The following CLVS1 variants were observed in gnomAD, a reference collection of about 807,000 sequenced individuals.
CLVS1 encodes the protein clavesin 1, also known as clavesin-1.
Under a neutral mutation model 33.1 loss-of-function variants are expected in CLVS1, and 10 were observed. The ratio of observed to expected loss-of-function variants is 0.30; its 90% CI spans 0.19 to 0.51. The LOEUF (loss-of-function observed/expected upper bound fraction) is 0.51. Among genes scored for constraint, CLVS1 ranks in the 20% least tolerant of loss-of-function variants. CLVS1 has a pLI of 0.97. For missense variants in CLVS1, 343 were observed against 433.4 expected (o/e 0.79, Z 1.85); for synonymous variants, 163 against 166.1 (o/e 0.98, Z 0.14).
intron 2 of CLVS1, among the ~76,000 whole-genome samples, chr8:61,308,351 G>A (rs1283924219): frequency 1.3e-5 from 2 of 152,110 alleles, no homozygotes; most frequent in Non-Finnish European, 2.9e-5. Flanking sequence ...CATCCCAAAG[G>A]CATCTGAAGC....
intron 2 of CLVS1, among the ~76,000 whole-genome samples, chr8:61,351,583 A>T (rs1812464517): frequency 6.6e-6 from 1 of 152,144 alleles, no homozygotes; most frequent in African/African-American, 2.4e-5. Flanking sequence ...AAACTTACAG[A>T]TCCCAAAAGT....
At chr8:61,135,887 A>G (rs1034754377) in intron 2 of CLVS1, among the ~76,000 whole-genome samples, 1 of 152,210 alleles carries the variant, frequency 6.6e-6, no homozygotes, top group African/African-American at 2.4e-5. Context: ...AGCCTGTAGG[A>G]TATTCAGAGA....
At chr8:61,348,370 T>C (rs565639317) in intron 2 of CLVS1, among the ~76,000 whole-genome samples, 27 of 151,426 alleles carry the variant, frequency 1.8e-4, no homozygotes, top group African/African-American at 6.3e-4. Flanking sequence ...TTAGGAGATA[T>C]ACCTAATGTA....
intron 1 of CLVS1, among the ~76,000 whole-genome samples, chr8:61,123,426 GA>G: frequency 6.6e-6 from 1 of 152,056 alleles, no homozygotes; most frequent in Non-Finnish European, 1.5e-5. Context: ...ATGACCTGGG[GA>G]AAAAGAAGTT....
chr8:61,142,420 T>C (rs750805730), intron 2 of CLVS1, among the ~76,000 whole-genome samples: 1 of 152,196 alleles, frequency 6.6e-6, no homozygotes, highest in Non-Finnish European at 1.5e-5. Flanking sequence ...TAGTTCTTTA[T>C]AGCAATGTGA....
chr8:61,407,687 G>A (rs533321962), intron 3 of CLVS1, among the ~76,000 whole-genome samples: 34 of 152,232 alleles, frequency 2.2e-4, no homozygotes, highest in African/African-American at 4.8e-4. Flanking sequence ...TAAATAAGCC[G>A]TTTAAGTTAA....
intron 2 of CLVS1, among the ~76,000 whole-genome samples, chr8:61,373,101 T>C (rs1353771546): frequency 1.3e-5 from 2 of 152,196 alleles, no homozygotes; most frequent in Admixed American, 6.5e-5. Context: ...CTGATAGCCA[T>C]TTTAAATTTT....
At chr8:61,205,177 T>C (rs1354806304) in intron 2 of CLVS1, among the ~76,000 whole-genome samples, 1 of 152,236 alleles carries the variant, frequency 6.6e-6, no homozygotes, top group African/African-American at 2.4e-5. Context: ...TAACCATTTT[T>C]AAGTTTACAG....
At chr8:61,268,299 G>A (rs1167175884) in intron 2 of CLVS1, among the ~76,000 whole-genome samples, 2 of 151,964 alleles carry the variant, frequency 1.3e-5, no homozygotes, top group African/African-American at 2.4e-5. Flanking sequence ...AGTGTACTGA[G>A]AATGATGTTT....
At chr8:61,427,135 C>A (rs1351197054) in intron 3 of CLVS1, among the ~76,000 whole-genome samples, 1 of 152,130 alleles carries the variant, frequency 6.6e-6, no homozygotes, top group African/African-American at 2.4e-5. Context: ...GTTTTGTTTG[C>A]ATCTCTTAAA....
At chr8:61,341,981 C>T (rs1812043511) in intron 2 of CLVS1, among the ~76,000 whole-genome samples, 1 of 152,216 alleles carries the variant, frequency 6.6e-6, no homozygotes, top group East Asian at 1.9e-4. Context: ...CTTGGCTTTC[C>T]GATGGAAAGT....
chr8:61,494,354 T>C (rs1254119034), intron 5 of CLVS1, among the ~76,000 whole-genome samples: 14 of 152,120 alleles, frequency 9.2e-5, no homozygotes, highest in Admixed American at 9.2e-4. Flanking sequence ...CTATCTAGGC[T>C]AGAATGAAGC....
intron 3 of CLVS1, among the ~76,000 whole-genome samples, chr8:61,408,056 A>C (rs748093109): frequency 6.6e-6 from 1 of 152,234 alleles, no homozygotes; most frequent in African/African-American, 2.4e-5. Flanking sequence ...AAAGTCAGAC[A>C]CCGGTCCAGG....
chr8:61,110,196 A>C (rs2129288079), intron 1 of CLVS1, among the ~76,000 whole-genome samples: 1 of 152,202 alleles, frequency 6.6e-6, no homozygotes. Flanking sequence ...TGTAACCCTG[A>C]CTGCCTGGCA....
intron 3 of CLVS1, among the ~76,000 whole-genome samples, chr8:61,404,348 A>G (rs193013186): frequency 4.5e-4 from 69 of 152,334 alleles, no homozygotes; most frequent in Admixed American, 3.3e-3. Context: ...ATTTTTATCT[A>G]TCCCAAAGAT....
the CLVS1 span, among the ~76,000 whole-genome samples, chr8:60,998,947 A>G: frequency 6.6e-6 from 1 of 152,154 alleles, no homozygotes; most frequent in Non-Finnish European, 1.5e-5. Context: ...ATGAGAAAAA[A>G]AGAAGCACAG....
At chr8:61,165,862 T>C (rs948764671) in intron 2 of CLVS1, among the ~76,000 whole-genome samples, 2 of 152,214 alleles carry the variant, frequency 1.3e-5, no homozygotes, top group Non-Finnish European at 2.9e-5. Context: ...CAATAGCTTT[T>C]GATTTTCTAT....
At chr8:61,348,182 T>C (rs1812305574) in intron 2 of CLVS1, among the ~76,000 whole-genome samples, 1 of 152,090 alleles carries the variant, frequency 6.6e-6, no homozygotes, top group African/African-American at 2.4e-5. Context: ...TTGGCTTTTT[T>C]ATGTTCTACA....
chr8:61,078,112 A>G (rs1804958731), intron 1 of CLVS1, among the ~76,000 whole-genome samples: 1 of 152,128 alleles, frequency 6.6e-6, no homozygotes, highest in African/African-American at 2.4e-5. Flanking sequence ...GATCCGAGGC[A>G]GGCCTGTCTG....
Sources: allele counts gnomAD v4.1 joint callset (sites outside exome capture counted in the v4.1 genomes callset), GRCh38; gene constraint gnomAD v4.1.1; transcripts MANE v1.5; gene names NCBI Gene and HGNC (gene_info 2026-07-23, HGNC 2026-07-21).